PTPRN2: variants seen among roughly 807,000 people sequenced by gnomAD.
PTPRN2 encodes the protein receptor-type tyrosine-protein phosphatase N2.
PTPRN2 carries 74 observed loss-of-function variants against 118.8 expected under a neutral mutation model. That is an observed-to-expected ratio of 0.62 (90% CI 0.52 to 0.76). The LOEUF (loss-of-function observed/expected upper bound fraction) is 0.76. Among genes scored for constraint, PTPRN2 ranks in the 30% least tolerant of loss-of-function variants. The pLI, the probability that PTPRN2 is intolerant of heterozygous loss-of-function variation, is 0.00. For synonymous variants in PTPRN2, 641 were observed against 608.0 expected (o/e 1.05, Z -0.80); for missense variants, 1,481 against 1,394.4 (o/e 1.06, Z -0.99).
rs539778221 is a variant in PTPRN2, at chr7:157,565,054, G to A, written c.2902+3848C>T. ...ATGCAAAGTGACATATAACAGTCAC[G>A]GAAGCGCAGACGCGGTATCACTCCA... On this transcript the variant is annotated intron_variant, in intron 21 of 22. Coordinates refer to ENST00000389418, the MANE Select transcript of PTPRN2 (RefSeq NM_002847.5). Among the ~76,000 whole-genome samples the A allele has an allele frequency of 1.9e-4, 29 of 152,370 alleles. No homozygotes were observed. The South Asian group carries it at 3.5e-3, about 18-fold the overall frequency.
At chr7:157,879,837 A>T (rs1274046832) in intron 12 of PTPRN2, among the ~76,000 whole-genome samples, 5 of 80,714 alleles carry the variant, frequency 6.2e-5, no homozygotes, top group Admixed American at 1.0e-4. Flanking sequence ...CGTCTTTGTT[A>T]AAAAAAAAAA....
chr7:158,183,070 G>A (rs1221886181), intron 5 of PTPRN2, among the ~76,000 whole-genome samples: 1 of 152,026 alleles, frequency 6.6e-6, no homozygotes, highest in Non-Finnish European at 1.5e-5. Context: ...TTTTACTGTT[G>A]TTGCTTTAAA....
intron 11 of PTPRN2, among the ~76,000 whole-genome samples, chr7:157,963,105 A>G (rs542569868): frequency 1.3e-5 from 2 of 152,358 alleles, no homozygotes; most frequent in East Asian, 3.9e-4. Context: ...CGTGCTCAGC[A>G]GACGCACACT....
intron 12 of PTPRN2, among the ~76,000 whole-genome samples, chr7:157,684,851 C>T (rs1273312263): frequency 6.6e-6 from 1 of 152,026 alleles, no homozygotes; most frequent in Non-Finnish European, 1.5e-5. Context: ...CGCCCTGTGC[C>T]CTCCTGGGCC....
chr7:158,234,080 G>C (rs1300823003), intron 3 of PTPRN2, among the ~76,000 whole-genome samples: 2 of 151,972 alleles, frequency 1.3e-5, no homozygotes, highest in African/African-American at 2.4e-5. Flanking sequence ...TTTTTGGTAA[G>C]GCCTCAAAAG....
Position 158,381,573 on chromosome 7 carries a change from C to T in PTPRN2, c.164-64641G>A, listed in dbSNP as rs140781666. ...CTCTAGGAAGTGCCAAACTTTCCCA[C>T]ATTTTCCTGTCTTCTGCTGAGCCCT... On this transcript the variant is annotated intron_variant, in intron 2 of 22. Coordinates refer to ENST00000389418, the MANE Select transcript of PTPRN2 (RefSeq NM_002847.5). Among the ~76,000 whole-genome samples, 825 of 152,322 alleles carry T rather than the reference C, an allele frequency of 5.4e-3. 12 individuals carry two copies. Among genetic ancestry groups the T allele is most frequent in the African/African-American group, 0.019 (779 of 41,578 alleles).
intron 1 of PTPRN2, among the ~76,000 whole-genome samples, chr7:158,499,843 ATG>A (rs35315549): frequency 5.6e-4 from 83 of 147,552 alleles, no homozygotes; most frequent in African/African-American, 8.0e-4. Context: ...CAGTGTGTGT[ATG>A]TGTGTGTGTG....
At chr7:158,081,168 C>T (rs1585372017) in intron 11 of PTPRN2, 130 bp downstream of exon 11, 1 of 909,288 alleles carries the variant, frequency 1.1e-6, no homozygotes, top group South Asian at 1.4e-5. Flanking sequence ...AAACCGAGAC[C>T]TTCCTCTGGG....
intron 12 of PTPRN2, among the ~76,000 whole-genome samples, chr7:157,815,380 G>T (rs1190983865): frequency 6.6e-6 from 1 of 152,174 alleles, no homozygotes; most frequent in African/African-American, 2.4e-5. Flanking sequence ...CCGCGCATCA[G>T]TGTGGTCAAA....
rs142316853 is a variant in PTPRN2 at position 157,780,711 on chromosome 7, A to G, written c.1789-97774T>C. Among the ~76,000 whole-genome samples the G allele has an allele frequency of 2.0e-5, 3 of 152,282 alleles. No individual in the cohort carries two copies. Among genetic ancestry groups the G allele is most frequent in the African/African-American group, 4.8e-5 (2 of 41,544 alleles). ...ACGGGTATTCCCTATGTTGGAATGC[A>G]TGATGGGGCCACACCCAGCACGGAG... On this transcript the variant is annotated intron_variant, in intron 12 of 22. Transcript: ENST00000389418. The surrounding 1 kb of genome is among the most constrained non-coding windows in gnomAD (Gnocchi z 4.5).
rs1242789348 is a variant in PTPRN2, at chr7:157,829,094, G to A, written c.1788+69579C>T. On this transcript the variant is annotated intron_variant, in intron 12 of 22. Transcript: ENST00000389418. ...ATGCCAGCGCGGGGCGCAGCCGGGC[G>A]CGGGATGCTCGTGAGCCGTGAGCTT... Among the ~76,000 whole-genome samples the A allele has an allele frequency of 2.6e-5, 4 of 152,276 alleles. No individual in the cohort carries two copies. In the East Asian group the frequency reaches 5.8e-4, roughly 22 times the overall value.
intron 3 of PTPRN2, among the ~76,000 whole-genome samples, chr7:158,291,074 G>C (rs1341984738): frequency 6.6e-6 from 1 of 152,220 alleles, no homozygotes; most frequent in Admixed American, 6.5e-5. Context: ...CTGCTCTGGG[G>C]TGGGGAGTTG....
At position 157,671,681 on chromosome 7, in the gene PTPRN2, C is replaced by T. The variant is rs1213877215; in HGVS notation, c.2001+11044G>A. 2.0e-5 allele frequency among the ~76,000 whole-genome samples: 3 copies of T among 152,108 alleles called. No homozygotes were observed. The highest frequency in any genetic ancestry group is 2.1e-4 in the South Asian group (1 of 4,824). On this transcript the variant is annotated intron_variant, in intron 13 of 22. Transcript: ENST00000389418. The surrounding 1 kb of genome is among the most constrained non-coding windows in gnomAD (Gnocchi z 4.1). Reference sequence around the variant, plus strand: ...AGGGGCATGCGGGCTGGGGGCGGAGCGGCTACTGGAGCAGCTGCTTCTCCA... The same window carrying T: ...AGGGGCATGCGGGCTGGGGGCGGAGTGGCTACTGGAGCAGCTGCTTCTCCA...
rs1340834477 is a variant in PTPRN2 at position 157,595,124 on chromosome 7, T to A, written c.2496+114A>T. 4.3e-6 allele frequency: 4 copies of A among 933,136 alleles called. No homozygotes were observed. The East Asian group carries it at 1.0e-4, about 24-fold the overall frequency. 57.8% of individuals were successfully genotyped at this position (933,136 alleles called of 1,614,324 possible). A position where few individuals can be genotyped will look rare whatever the true frequency, so the allele number is the denominator to read the frequency against. On this transcript the variant is annotated intron_variant, in intron 17 of 22. Transcript: ENST00000389418. Reference sequence around the variant, plus strand: ...CTGAAATTCTGATATAAGTAACATTTGATGAGCATTTGTAAGAAGTTTGAT... The same window carrying A: ...CTGAAATTCTGATATAAGTAACATTAGATGAGCATTTGTAAGAAGTTTGAT...
intron 11 of PTPRN2, among the ~76,000 whole-genome samples, chr7:157,994,108 C>T (rs994139949): frequency 5.3e-5 from 8 of 152,128 alleles, no homozygotes; most frequent in Admixed American, 1.3e-4. Flanking sequence ...TAATGTATCA[C>T]GTTGTTTTCC....
chr7:158,034,248 G>A (rs553858554), intron 11 of PTPRN2, among the ~76,000 whole-genome samples: 1 of 148,246 alleles, frequency 6.7e-6, no homozygotes, highest in Non-Finnish European at 1.5e-5. Flanking sequence ...GCATGCTGAG[G>A]CCCGGGCAAG....
chr7:158,208,255 T>G (rs12154635), intron 3 of PTPRN2, among the ~76,000 whole-genome samples: 26,089 of 152,084 alleles, frequency 0.17, 2,489 homozygotes, highest in Non-Finnish European at 0.23. Flanking sequence ...AATGAGAACT[T>G]CTCGAACCTA....
intron 2 of PTPRN2, among the ~76,000 whole-genome samples, chr7:158,424,186 G>C (rs966348881): frequency 6.6e-6 from 1 of 152,166 alleles, no homozygotes; most frequent in Non-Finnish European, 1.5e-5. Context: ...GGTGGATGCA[G>C]AGAGGCCAGA....
intron 12 of PTPRN2, among the ~76,000 whole-genome samples, chr7:157,711,492 G>A (rs1313584460): frequency 6.6e-6 from 1 of 152,144 alleles, no homozygotes; most frequent in Non-Finnish European, 1.5e-5. Flanking sequence ...GTGCTCCCCT[G>A]CAGCCCGGGG....
Sources: allele counts gnomAD v4.1 joint callset (sites outside exome capture counted in the v4.1 genomes callset), GRCh38; gene constraint gnomAD v4.1.1; non-coding constraint Gnocchi (gnomAD v3.1); transcripts MANE v1.5; gene names NCBI Gene and HGNC (gene_info 2026-07-23, HGNC 2026-07-21).